The following SPTAN1 variants were observed in gnomAD, a reference collection of about 807,000 sequenced individuals.
SPTAN1 encodes spectrin alpha chain, non-erythrocytic 1.
Under a neutral mutation model 331.3 loss-of-function variants are expected in SPTAN1, and 61 were observed. The ratio of observed to expected loss-of-function variants is 0.18; its 90% CI spans 0.15 to 0.23. The LOEUF (loss-of-function observed/expected upper bound fraction) is 0.23, where lower values mean the gene tolerates loss of function less well. SPTAN1 is among the 10% of genes least tolerant of loss of function. The pLI, the probability that SPTAN1 is intolerant of heterozygous loss-of-function variation, is 1.00. For missense variants in SPTAN1, 2,043 were observed against 3,147.9 expected (o/e 0.65, Z 8.40); for synonymous variants, 1,153 against 1,173.9 (o/e 0.98, Z 0.36).
In SPTAN1 at chr9:128,552,612, G is replaced by T. The variant is rs1314908257; in HGVS notation, c.-88G>T. 6.6e-6 allele frequency: 1 copy of T among 151,602 alleles called. No homozygotes were observed. The highest frequency in any genetic ancestry group is 6.6e-5 in the Admixed American group (1 of 15,240). The allele number at this position is 151,602 out of a possible 1,614,324, so 9.4% of individuals were successfully genotyped here. A position where few individuals can be genotyped will look rare whatever the true frequency, so the allele number is the denominator to read the frequency against. On this transcript the variant is annotated 5_prime_UTR_variant, in exon 1 of 57. Coordinates refer to ENST00000372739, the MANE Select transcript of SPTAN1 (RefSeq NM_001130438.3). The surrounding 1 kb of genome is among the most constrained non-coding windows in gnomAD (Gnocchi z 4.6). Reference sequence around the variant, plus strand: ...GCCACTACCCGCTGCGGAGTGAACGGTGTGGAGCGGAGGCCGCGGAGGCTC... The same window carrying T: ...GCCACTACCCGCTGCGGAGTGAACGTTGTGGAGCGGAGGCCGCGGAGGCTC...
rs546316885 is a variant in SPTAN1 at position 128,580,649 on chromosome 9, C to T, written c.1324-273C>T. Among the ~76,000 whole-genome samples the T allele has an allele frequency of 2.0e-5, 3 of 152,210 alleles. No individual in the cohort carries two copies. The South Asian group carries it at 6.2e-4, about 32-fold the overall frequency. On this transcript the variant is annotated intron_variant, in intron 10 of 56. Coordinates refer to ENST00000372739, the MANE Select transcript of SPTAN1 (RefSeq NM_001130438.3). ...ACTGCCTCACTTTTAAATGGATGCC[C>T]TATTTCTTCTACCTGGGAGTTTACT...
chr9:128,583,480 G>A lies in SPTAN1; in HGVS notation c.2011+199G>A, dbSNP rs527530951. Among the ~76,000 whole-genome samples the A allele has an allele frequency of 5.3e-5, 8 of 152,288 alleles. No individual in the cohort carries two copies. In the East Asian group the frequency reaches 9.6e-4, roughly 18 times the overall value. ...TAAATGTGGTCGAGCATACTGGTTG[G>A]TGAGGGAGTCTGAGTGAGAAGGAAC... is the stretch of plus-strand genomic sequence containing the variant. On this transcript the variant is annotated intron_variant, in intron 15 of 56. Transcript: ENST00000372739.
Position 128,603,564 on chromosome 9 carries a change from A to C in SPTAN1, c.3601A>C (p.Thr1201Pro). 1 of 1,614,174 alleles carries C rather than the reference A, an allele frequency of 6.2e-7. No individual in the cohort carries two copies. Among genetic ancestry groups the C allele is most frequent in the Non-Finnish European group, 8.5e-7 (1 of 1,180,036 alleles). ...CTAGTCTGCTCGTCTGATGGTTCAC[A>C]CCGTGGCCACCTTTAATTCCATCAA... The part of the protein sequence containing the change: ...PWKSARLMVH[T>P]VATFNSIKEL... Residue 1201 changes from threonine (T) to proline (P), a missense_variant, in exon 28 of 57, where the codon ACC becomes CCC. Coordinates refer to ENST00000372739, the MANE Select transcript of SPTAN1 (RefSeq NM_001130438.3).
At chr9:128,579,022 G>A (rs1851641520) in intron 9 of SPTAN1, among the ~76,000 whole-genome samples, 1 of 152,030 alleles carries the variant, frequency 6.6e-6, no homozygotes, top group Admixed American at 6.6e-5. Context: ...GACACTTCTG[G>A]AGAAAACTAT....
chr9:128,625,317 G>C lies in SPTAN1; in HGVS notation c.6069+138G>C. ...GAAAAAGATCCTGTCCTGGTCCTCA[G>C]GGAGCTTCCAGACTAACTGGGGAAG... On this transcript the variant is annotated intron_variant, in intron 47 of 56. Transcript: ENST00000372739. The surrounding 1 kb of genome is among the most constrained non-coding windows in gnomAD (Gnocchi z 4.1). 1.1e-6 allele frequency: 1 copy of C among 901,308 alleles called. No individual in the cohort carries two copies. The highest frequency in any genetic ancestry group is 1.8e-6 in the Non-Finnish European group (1 of 563,450). 55.8% of individuals were successfully genotyped at this position (901,308 alleles called of 1,614,324 possible).
At chr9:128,616,721 C>T (rs1323265542) in intron 41 of SPTAN1, among the ~76,000 whole-genome samples, 4 of 151,444 alleles carry the variant, frequency 2.6e-5, no homozygotes, top group African/African-American at 7.3e-5. Flanking sequence ...GAGCCAAGAT[C>T]GCACCACTGT....
intron 1 of SPTAN1, among the ~76,000 whole-genome samples, chr9:128,558,146 A>G (rs1322343970): frequency 6.6e-6 from 1 of 151,492 alleles, no homozygotes; most frequent in Non-Finnish European, 1.5e-5. Flanking sequence ...TTCAGACCCC[A>G]CTCTTCTTCC....
At chr9:128,568,411 G>C (rs1041573310) in intron 2 of SPTAN1, among the ~76,000 whole-genome samples, 7 of 152,190 alleles carry the variant, frequency 4.6e-5, no homozygotes, top group African/African-American at 1.4e-4. Context: ...TGAGAAAACT[G>C]TTGGTATGGT....
At chr9:128,557,656 T>A (rs558661631) in intron 1 of SPTAN1, among the ~76,000 whole-genome samples, 1 of 152,058 alleles carries the variant, frequency 6.6e-6, no homozygotes, top group African/African-American at 2.4e-5. Context: ...AGCTGTCTCT[T>A]GGCGTTCATC....
Position 128,608,986 on chromosome 9 carries a change from C to G in SPTAN1, c.4595+9C>G. ...AATGAGGTCTTGGACAGGTGGGTGT[C>G]CTGTGGCACTGACATAGTCACCAGC... On this transcript the variant is annotated intron_variant, in intron 35 of 56. Transcript: ENST00000372739. 1 of 1,614,156 alleles carries G rather than the reference C, an allele frequency of 6.2e-7. No individual in the cohort carries two copies.
Position 128,582,852 on chromosome 9 carries a change from A to G in SPTAN1, c.1806+3A>G, listed in dbSNP as rs1564224170. The G allele has an allele frequency of 1.2e-6, 2 of 1,612,502 alleles. No homozygotes were observed. The highest frequency in any genetic ancestry group is 8.5e-7 in the Non-Finnish European group (1 of 1,180,028). On this transcript the variant is annotated splice_donor_region_variant and intron_variant, in intron 14 of 56. Coordinates refer to ENST00000372739, the MANE Select transcript of SPTAN1 (RefSeq NM_001130438.3). The stretch of plus-strand genomic sequence containing the variant: ...CTGCCACAGATGAAGCTTATAAAGT[A>G]ATGTACTGTTAGTGTTGCCATGTAG...
chr9:128,595,991 G>A (rs995037800), intron 24 of SPTAN1: 17 of 151,674 alleles, frequency 1.1e-4, no homozygotes, highest in African/African-American at 4.1e-4. Context: ...TTATAGGTAT[G>A]CACCACTATG....
rs1042535451 is a variant in SPTAN1 at position 128,597,066 on chromosome 9, A to G, written c.3415-1334A>G. Reference sequence around the variant, plus strand: ...ACCCAGCTACTCGGTACACTGAGGCATGAAGATCGCTTGAACCCGGGAGGC... The same window carrying G: ...ACCCAGCTACTCGGTACACTGAGGCGTGAAGATCGCTTGAACCCGGGAGGC... On this transcript the variant is annotated intron_variant, in intron 24 of 56. Coordinates refer to ENST00000372739, the MANE Select transcript of SPTAN1 (RefSeq NM_001130438.3). 7.2e-5 allele frequency among the ~76,000 whole-genome samples: 11 copies of G among 152,304 alleles called. No homozygotes were observed. The South Asian group carries it at 8.3e-4, about 11-fold the overall frequency.
chr9:128,581,164 G>C, intron 11 of SPTAN1, 105 bp downstream of exon 11: 1 of 1,483,914 alleles, frequency 6.7e-7, no homozygotes, highest in Non-Finnish European at 9.2e-7. Flanking sequence ...TACCATGTTA[G>C]TTCTGAATCC....
Position 128,627,613 on chromosome 9 carries a change from G to A in SPTAN1, c.6689+115G>A, listed in dbSNP as rs1191672854. 2 of 1,101,140 alleles carry A rather than the reference G, an allele frequency of 1.8e-6. No individual in the cohort carries two copies. The highest frequency in any genetic ancestry group is 2.7e-6 in the Non-Finnish European group (2 of 740,336). 68.2% of individuals were successfully genotyped at this position (1,101,140 alleles called of 1,614,324 possible). ...TTTGTGTAAAACCAGAGGCAGCCTG[G>A]GAATAAAGCTGGGCTGGCAACGCCT... On this transcript the variant is annotated intron_variant, in intron 50 of 56. Coordinates refer to ENST00000372739, the MANE Select transcript of SPTAN1 (RefSeq NM_001130438.3). This position sits in a 1 kb window ranked among gnomAD's most constrained non-coding sequence, Gnocchi z 4.9.
chr9:128,603,671 T>A (rs1855457927), intron 28 of SPTAN1, 81 bp downstream of exon 28: 3 of 1,547,662 alleles, frequency 1.9e-6, no homozygotes, highest in South Asian at 2.2e-5. Context: ...AGAGCTCTTG[T>A]TCTTGTCAAC....
intron 41 of SPTAN1, 103 bp downstream of exon 41, chr9:128,615,943 C>A: frequency 7.8e-7 from 1 of 1,278,684 alleles, no homozygotes; most frequent in Non-Finnish European, 1.1e-6. Flanking sequence ...CCCTGCTGGA[C>A]TGGGATCCCA....
rs148814010 is a variant in SPTAN1 at position 128,631,810 on chromosome 9, T to TC, written c.6763-315dup. On this transcript the variant is annotated intron_variant, in intron 52 of 56. Coordinates refer to ENST00000372739, the MANE Select transcript of SPTAN1 (RefSeq NM_001130438.3). ...ACTCTAGCCTAGGCGACAGTGAGACTCCATCTCAAAAAAATTTATAAAAAT... is the reference window on the plus strand; with the variant it reads ...ACTCTAGCCTAGGCGACAGTGAGACTCCCATCTCAAAAAAATTTATAAAAAT... 58 of 368,652 alleles carry TC rather than the reference T, an allele frequency of 1.6e-4. No homozygotes were observed. The East Asian group carries it at 2.6e-3, about 16-fold the overall frequency. The allele number at this position is 368,652 out of a possible 1,614,324, so 22.8% of individuals were successfully genotyped here.
intron 3 of SPTAN1, among the ~76,000 whole-genome samples, chr9:128,571,080 G>T (rs960635645): frequency 6.6e-6 from 1 of 152,124 alleles, no homozygotes; most frequent in Non-Finnish European, 1.5e-5. Context: ...TTGAGCTCAG[G>T]AGTTCAAAAC....
Sources: gnomAD v4.1 joint callset for allele counts (sites outside exome capture counted in the v4.1 genomes callset) on GRCh38, gnomAD v4.1.1 for gene constraint, Gnocchi (gnomAD v3.1) non-coding constraint, MANE v1.5 for transcripts, NCBI Gene and HGNC (gene_info 2026-07-23, HGNC 2026-07-21) for gene names.